Variants in DNAJC17 observed in about 807,000 individuals in gnomAD.
DNAJC17 encodes the protein DnaJ heat shock protein family (Hsp40) member C17, also known as dnaJ homolog subfamily C member 17.
In DNAJC17, 35 loss-of-function variants were observed where a neutral mutation model predicts 48.1. That is an observed-to-expected ratio of 0.73 (90% CI 0.56 to 0.96). The LOEUF (loss-of-function observed/expected upper bound fraction) is 0.96, where lower values mean the gene tolerates loss of function less well. Ranked by LOEUF, DNAJC17 falls within the 50% of genes least tolerant of loss-of-function variation. The probability of loss-of-function intolerance (pLI) is 0.00; values close to 1 mark genes in which losing one functional copy is unlikely to be tolerated. For missense variants in DNAJC17, 355 were observed against 377.1 expected (o/e 0.94, Z 0.48); for synonymous variants, 117 against 142.7 (o/e 0.82, Z 1.28).
intron 10 of DNAJC17, among the ~76,000 whole-genome samples, 181 bp from the exon 11 acceptor site, chr15:40,768,243 G>T (rs1889011412): frequency 6.6e-6 from 1 of 152,088 alleles, no homozygotes; most frequent in Admixed American, 6.5e-5. Flanking sequence ...CCCAGAACAC[G>T]CCACCTTTGG....
rs1051453090 is a variant in DNAJC17 at position 40,769,162 on chromosome 15, C to T, written c.793-1100G>A. Among the ~76,000 whole-genome samples the T allele has an allele frequency of 7.9e-5, 12 of 152,200 alleles. No homozygotes were observed. The highest frequency in any genetic ancestry group is 1.2e-4 in the African/African-American group (5 of 41,464). ...GATGGCTGCACCCCTCCCCTCTCCC[C>T]GGCTGCAGCAGTCCCAGCTAGGCCG... On this transcript the variant is annotated intron_variant, in intron 10 of 10. Transcript: ENST00000220496. The surrounding 1 kb of genome is among the most constrained non-coding windows in gnomAD (Gnocchi z 4.2).
Position 40,779,178 on chromosome 15 carries a change from G to T in DNAJC17, c.295+45C>A. The T allele has an allele frequency of 3.2e-6, 5 of 1,576,766 alleles. No individual in the cohort carries two copies. In the South Asian group the frequency reaches 5.5e-5, roughly 17 times the overall value. On this transcript the variant is annotated intron_variant, in intron 4 of 10. Coordinates refer to ENST00000220496, the MANE Select transcript of DNAJC17 (RefSeq NM_018163.3). ...TCAGGTGAGGGAGATGAATGAAAAT[G>T]ACCACAGGAAACCACAGGCCACCGA...
Position 40,798,813 on chromosome 15 carries a change from C to T in DNAJC17, c.78+8556G>A, listed in dbSNP as rs1314267699. On this transcript the variant is annotated intron_variant, in intron 1 of 10. Transcript: ENST00000220496. ...GGTCACTGCAGTCACTCAGGTAATT[C>T]CTGAGATTACTTTGGAATCTCTCTT... Among the ~76,000 whole-genome samples, 6 of 152,274 alleles carry T rather than the reference C, an allele frequency of 3.9e-5. No homozygotes were observed. The South Asian group carries it at 6.2e-4, about 16-fold the overall frequency.
At chr15:40,802,291 C>T (rs1455366401) in intron 1 of DNAJC17, among the ~76,000 whole-genome samples, 2 of 152,012 alleles carry the variant, frequency 1.3e-5, no homozygotes, top group African/African-American at 4.8e-5. Flanking sequence ...CTGCCTCAGC[C>T]TCCCAGTAGC....
chr15:40,774,203 G>C (rs967570632), intron 9 of DNAJC17, 153 bp downstream of exon 9: 9 of 820,912 alleles, frequency 1.1e-5, no homozygotes, highest in Non-Finnish European at 1.8e-5. Context: ...CTATTTCCAG[G>C]AGTCAGGGGC....
chr15:40,771,410 G>A (rs1357713573), intron 10 of DNAJC17: 1 of 268,086 alleles, frequency 3.7e-6, no homozygotes, highest in East Asian at 9.5e-5. Context: ...CAGGGAGTGG[G>A]AGGACACAGA....
chr15:40,779,202 G>C, intron 4 of DNAJC17, 21 bp downstream of exon 4: 1 of 1,609,370 alleles, frequency 6.2e-7, no homozygotes, highest in Non-Finnish European at 8.5e-7. Flanking sequence ...ACAGGCCACC[G>C]AGCACTATGA....
chr15:40,776,173 T>C (rs372426872), intron 6 of DNAJC17, 23 bp downstream of exon 6: 11 of 1,609,640 alleles, frequency 6.8e-6, no homozygotes, highest in Admixed American at 1.7e-5. Flanking sequence ...GGAGGGGAGA[T>C]AGGCGGGGTG....
chr15:40,780,544 T>G (rs1889455440), intron 1 of DNAJC17: 1 of 361,668 alleles, frequency 2.8e-6, no homozygotes. Context: ...GCCGGTGCGG[T>G]GGCTCACGCC....
At chr15:40,796,280 G>A (rs2141961522) in intron 1 of DNAJC17, among the ~76,000 whole-genome samples, 2 of 152,300 alleles carry the variant, frequency 1.3e-5, no homozygotes, top group South Asian at 4.1e-4. Context: ...ACATTCTAAT[G>A]GGAGAGCAAT....
At chr15:40,780,401 C>T (rs1354380282) in intron 1 of DNAJC17, 1 of 452,992 alleles carries the variant, frequency 2.2e-6, no homozygotes, top group Non-Finnish European at 4.4e-6. Flanking sequence ...TTCCCTTTGA[C>T]CCAAGTCCTA....
chr15:40,807,089 G>T, intron 1 of DNAJC17: 1 of 689,742 alleles, frequency 1.4e-6, no homozygotes, highest in Non-Finnish European at 2.4e-6. Flanking sequence ...GGAGGCTAGC[G>T]TTCCTTGCTG....
chr15:40,805,359 G>C (rs1890177683), intron 1 of DNAJC17, among the ~76,000 whole-genome samples: 1 of 138,630 alleles, frequency 7.2e-6, no homozygotes, highest in Non-Finnish European at 1.5e-5. Flanking sequence ...CTGGGCCAAA[G>C]AGTGATACTC....
In DNAJC17 at chr15:40,767,504, T is replaced by G; in HGVS notation, c.*436A>C. Reference sequence around the variant, plus strand: ...CCAAAGGGCAGTGAATGGCCTTCTCTGAAACCCTGCGTCAAGCAGTGGGAG... The same window carrying G: ...CCAAAGGGCAGTGAATGGCCTTCTCGGAAACCCTGCGTCAAGCAGTGGGAG... On this transcript the variant is annotated 3_prime_UTR_variant, in exon 11 of 11. Transcript: ENST00000220496. 1 of 852,764 alleles carries G rather than the reference T, an allele frequency of 1.2e-6. No homozygotes were observed. The highest frequency in any genetic ancestry group is 1.7e-6 in the Non-Finnish European group (1 of 583,486). The allele number at this position is 852,764 out of a possible 1,614,324, so 52.8% of individuals were successfully genotyped here.
intron 1 of DNAJC17, among the ~76,000 whole-genome samples, chr15:40,805,489 G>A (rs1391307390): frequency 1.3e-5 from 2 of 152,062 alleles, no homozygotes; most frequent in Non-Finnish European, 2.9e-5. Flanking sequence ...AGAAGTTGCA[G>A]TAAGCTGAGA....
Position 40,765,700 on chromosome 15 carries a change from C to A in DNAJC17, c.*2240G>T. On this transcript the variant is annotated 3_prime_UTR_variant, in exon 11 of 11. Transcript: ENST00000220496. ...CAGCTTGTGCTCAGCCCCTAAGAAT[C>A]CTTGCTACTCTCTGTAGCCTTTACC... 1 of 450,836 alleles carries A rather than the reference C, an allele frequency of 2.2e-6. No individual in the cohort carries two copies. Among genetic ancestry groups the A allele is most frequent in the Non-Finnish European group, 4.0e-6 (1 of 248,486 alleles). The allele number at this position is 450,836 out of a possible 1,614,324, so 27.9% of individuals were successfully genotyped here. A position where few individuals can be genotyped will look rare whatever the true frequency, so the allele number is the denominator to read the frequency against.
Position 40,770,388 on chromosome 15 carries a change from C to A in DNAJC17, c.793-2326G>T. The A allele has an allele frequency of 8.9e-7, 1 of 1,123,164 alleles. No homozygotes were observed. The highest frequency in any genetic ancestry group is 2.8e-5 in the Admixed American group (1 of 35,814). 69.6% of individuals were successfully genotyped at this position (1,123,164 alleles called of 1,614,324 possible). ...CTGTGCTGAGTGGAAACCCTGAGGCCTCTGCTCCTAGGGGAGCCTCCCCAG... is the reference window on the plus strand; with the variant it reads ...CTGTGCTGAGTGGAAACCCTGAGGCATCTGCTCCTAGGGGAGCCTCCCCAG... On this transcript the variant is annotated intron_variant, in intron 10 of 10. Transcript: ENST00000220496. The surrounding 1 kb of genome is among the most constrained non-coding windows in gnomAD (Gnocchi z 5.0).
At chr15:40,805,584 T>C (rs1190100509) in intron 1 of DNAJC17, among the ~76,000 whole-genome samples, 1 of 139,390 alleles carries the variant, frequency 7.2e-6, no homozygotes. Context: ...GGCTCACGCT[T>C]GTAATCCCAG....
In DNAJC17 at chr15:40,775,403, G is replaced by A. The variant is rs111995767; in HGVS notation, c.522+150C>T. Reference sequence around the variant, plus strand: ...TCGTGGCAAGCTCTGATCTCCGGGCGGCTGGAGCATGGAGGGAGGTGGTAA... The same window carrying A: ...TCGTGGCAAGCTCTGATCTCCGGGCAGCTGGAGCATGGAGGGAGGTGGTAA... On this transcript the variant is annotated intron_variant, in intron 7 of 10. Coordinates refer to ENST00000220496, the MANE Select transcript of DNAJC17 (RefSeq NM_018163.3). 2.5e-4 allele frequency: 224 copies of A among 911,084 alleles called. 1 individual carries two copies. The highest frequency in any genetic ancestry group is 1.1e-3 in the African/African-American group (68 of 60,396). 56.4% of individuals were successfully genotyped at this position (911,084 alleles called of 1,614,324 possible).
Sources: gnomAD v4.1 joint callset for allele counts (sites outside exome capture counted in the v4.1 genomes callset) on GRCh38, gnomAD v4.1.1 for gene constraint, Gnocchi (gnomAD v3.1) non-coding constraint, MANE v1.5 for transcripts, NCBI Gene and HGNC (gene_info 2026-07-23, HGNC 2026-07-21) for gene names.